Variants in SMAP1 observed in about 807,000 individuals in gnomAD.
The protein encoded by SMAP1 is stromal membrane-associated protein 1.
A neutral mutation model predicts 58.5 loss-of-function variants in SMAP1; 24 were observed. That is an observed-to-expected ratio of 0.41 (90% CI 0.30 to 0.58). SMAP1 has a LOEUF of 0.58. Among genes scored for constraint, SMAP1 ranks in the 20% least tolerant of loss-of-function variants. SMAP1 has a pLI of 0.29. For missense variants in SMAP1, 563 were observed against 566.3 expected, an observed-to-expected ratio of 0.99 and a Z score of 0.06; for synonymous variants, 216 against 196.6, an observed-to-expected ratio of 1.10 and a Z score of -0.82.
At chr6:70,708,916 C>G (rs1385475807) in intron 1 of SMAP1, among the ~76,000 whole-genome samples, 1 of 152,092 alleles carries the variant, frequency 6.6e-6, no homozygotes, top group Admixed American at 6.6e-5. Context: ...TGTAGGCTGC[C>G]TTTTCATTTT....
At chr6:70,697,406 A>G (rs1265850259) in intron 1 of SMAP1, among the ~76,000 whole-genome samples, 3 of 151,870 alleles carry the variant, frequency 2.0e-5, no homozygotes, top group Non-Finnish European at 2.9e-5. Flanking sequence ...CCTAGGTTCA[A>G]GCAATTCTCC....
chr6:70,846,747 G>T (rs191993502), intron 7 of SMAP1, among the ~76,000 whole-genome samples: 18 of 152,292 alleles, frequency 1.2e-4, no homozygotes, highest in Admixed American at 1.1e-3. Context: ...TTTTAGGGAG[G>T]TAGGTCAATG....
intron 4 of SMAP1, among the ~76,000 whole-genome samples, chr6:70,786,331 C>G (rs1474372464): frequency 1.4e-5 from 2 of 145,532 alleles, no homozygotes; most frequent in Admixed American, 1.4e-4. Flanking sequence ...CTATGACAAA[C>G]CCACAGCCAA....
intron 6 of SMAP1, among the ~76,000 whole-genome samples, chr6:70,829,718 TAAAC>T (rs1266831269): frequency 1.3e-5 from 2 of 152,214 alleles, no homozygotes; most frequent in Non-Finnish European, 2.9e-5. Context: ...TGATTATAAA[TAAAC>T]TAAGTTATAA....
intron 2 of SMAP1, among the ~76,000 whole-genome samples, chr6:70,737,959 C>T (rs181908017): frequency 1.3e-4 from 20 of 152,140 alleles, no homozygotes; most frequent in South Asian, 1.0e-3. Flanking sequence ...AAAATTCCAA[C>T]GGTAATATAT....
intron 1 of SMAP1, among the ~76,000 whole-genome samples, chr6:70,720,626 A>G (rs901010835): frequency 1.3e-5 from 2 of 152,208 alleles, no homozygotes; most frequent in Non-Finnish European, 1.5e-5. Flanking sequence ...AGGCGTTTCC[A>G]TACATCTTCT....
intron 1 of SMAP1, among the ~76,000 whole-genome samples, chr6:70,718,937 ATAAT>A (rs1206507963): frequency 1.3e-5 from 2 of 152,088 alleles, no homozygotes; most frequent in African/African-American, 4.8e-5. Context: ...CAAGTATCTA[ATAAT>A]TAATGTGTAT....
chr6:70,815,846 G>T (rs1346381725), intron 6 of SMAP1, among the ~76,000 whole-genome samples: 2 of 152,082 alleles, frequency 1.3e-5, no homozygotes, highest in Admixed American at 6.6e-5. Flanking sequence ...TGCATTGAAA[G>T]GTTTCTGGGA....
chr6:70,746,893 A>G (rs2149879737), intron 2 of SMAP1, among the ~76,000 whole-genome samples: 1 of 152,294 alleles, frequency 6.6e-6, no homozygotes, highest in Middle Eastern at 3.4e-3. Flanking sequence ...TTTAGGTAGA[A>G]CTGAGAGAGA....
chr6:70,826,961 GAAAAA>G (rs1770155164), intron 6 of SMAP1, among the ~76,000 whole-genome samples: 1 of 102,384 alleles, frequency 9.8e-6, no homozygotes, highest in Non-Finnish European at 2.1e-5. Context: ...AAAAAAAAAA[GAAAAA>G]GAAAAGAAAA....
chr6:70,800,787 A>G (rs928348851), intron 6 of SMAP1, among the ~76,000 whole-genome samples: 44 of 150,300 alleles, frequency 2.9e-4, no homozygotes, highest in African/African-American at 1.1e-3. Context: ...TGTCCTTGTG[A>G]TAGTTTGCTG....
At chr6:70,725,555 C>G (rs1297844883) in intron 1 of SMAP1, among the ~76,000 whole-genome samples, 1 of 152,088 alleles carries the variant, frequency 6.6e-6, no homozygotes, top group Non-Finnish European at 1.5e-5. Context: ...AGGGTTTGTT[C>G]CTTGTTTCCT....
chr6:70,790,943 A>G (rs951162627), intron 4 of SMAP1, among the ~76,000 whole-genome samples: 1 of 152,222 alleles, frequency 6.6e-6, no homozygotes, highest in Non-Finnish European at 1.5e-5. Context: ...GTGATCAACT[A>G]CGCATGCAGA....
intron 1 of SMAP1, among the ~76,000 whole-genome samples, chr6:70,693,291 T>C (rs1767252325): frequency 7.2e-6 from 1 of 137,974 alleles, no homozygotes; most frequent in South Asian, 2.5e-4. Flanking sequence ...GTGAAGAATG[T>C]CATCTTCTTT....
intron 1 of SMAP1, among the ~76,000 whole-genome samples, chr6:70,675,138 T>A (rs1581978194): frequency 7.0e-6 from 1 of 142,708 alleles, no homozygotes; most frequent in Admixed American, 7.1e-5. Flanking sequence ...ACCTGGAGAA[T>A]GTTAAAAAAA....
At chr6:70,817,010 A>T (rs1309214427) in intron 6 of SMAP1, among the ~76,000 whole-genome samples, 1 of 151,858 alleles carries the variant, frequency 6.6e-6, no homozygotes, top group Non-Finnish European at 1.5e-5. Context: ...ATTGCATCTA[A>T]CAAGTCCCCC....
chr6:70,857,698 T>G (rs1771489514), intron 9 of SMAP1: 2 of 546,896 alleles, frequency 3.7e-6, no homozygotes, highest in South Asian at 4.6e-5. Flanking sequence ...TGATTTACAT[T>G]TCTTAATTAA....
At chr6:70,800,571 G>A (rs1238234184) in intron 6 of SMAP1, among the ~76,000 whole-genome samples, 1 of 151,928 alleles carries the variant, frequency 6.6e-6, no homozygotes, top group Non-Finnish European at 1.5e-5. Flanking sequence ...CAGTGTGCCG[G>A]TTTGTTACAC....
chr6:70,829,351 G>A (rs1410143593), intron 6 of SMAP1, among the ~76,000 whole-genome samples: 1 of 151,706 alleles, frequency 6.6e-6, no homozygotes. Flanking sequence ...GGGCTGAAGC[G>A]ATTCTCCTAC....
Sources: allele counts gnomAD v4.1 joint callset (sites outside exome capture counted in the v4.1 genomes callset), GRCh38; gene constraint gnomAD v4.1.1; transcripts MANE v1.5; gene names NCBI Gene and HGNC (gene_info 2026-07-23, HGNC 2026-07-21).